ERAP2: variants seen among roughly 807,000 people sequenced by gnomAD.
ERAP2 encodes endoplasmic reticulum aminopeptidase 2, also known as leukocyte-derived arginine aminopeptidase.
A neutral mutation model predicts 111.1 loss-of-function variants in ERAP2; 118 were observed. The observed-to-expected ratio is 1.06, with a 90% CI of 0.92 to 1.24. The LOEUF is 1.24. ERAP2 is among the 50% of genes most tolerant of loss of function. The pLI is 0.00. For missense variants in ERAP2, 1,131 were observed against 1,125.8 expected (o/e 1.00, Z -0.07); for synonymous variants, 410 against 401.2 (o/e 1.02, Z -0.26).
intron 7 of ERAP2, 42 bp downstream of exon 7, chr5:96,895,401 A>G: frequency 7.7e-7 from 1 of 1,292,782 alleles, no homozygotes; most frequent in South Asian, 1.3e-5. Context: ...TGGTGTAAAG[A>G]ATCATCAATT....
At chr5:96,912,605 CT>C (rs35363714) in intron 15 of ERAP2, 31 bp from the exon 16 acceptor site, 1 of 1,563,030 alleles carries the variant, frequency 6.4e-7, no homozygotes, top group East Asian at 2.3e-5. Context: ...TTTCATAAAA[CT>C]TTTTCTTCAT....
chr5:96,917,352 C>A, intron 18 of ERAP2, 110 bp from the exon 19 acceptor site: 1 of 914,606 alleles, frequency 1.1e-6, no homozygotes, highest in Admixed American at 2.6e-5. Context: ...AACTCCTGAG[C>A]TCAATTGATC....
intron 13 of ERAP2, among the ~76,000 whole-genome samples, 194 bp from the exon 14 acceptor site, chr5:96,908,767 A>G: frequency 6.6e-6 from 1 of 152,226 alleles, no homozygotes; most frequent in East Asian, 1.9e-4. Context: ...AAAGAAGGCA[A>G]TAGGTCCAGA....
intron 6 of ERAP2, among the ~76,000 whole-genome samples, chr5:96,894,895 G>A (rs966968299): frequency 3.9e-5 from 6 of 152,048 alleles, no homozygotes; most frequent in Non-Finnish European, 8.8e-5. Flanking sequence ...AGGTGAGATT[G>A]TTCTTATTGG....
chr5:96,881,043 A>G (rs116486250), intron 2 of ERAP2: 2 of 173,982 alleles, frequency 1.1e-5, no homozygotes, highest in South Asian at 1.1e-4. Context: ...CAAGTGCTCT[A>G]AAGTGGGATT....
intron 2 of ERAP2, chr5:96,881,299 AT>A: frequency 2.5e-6 from 1 of 407,756 alleles, no homozygotes; most frequent in South Asian, 1.8e-5. Flanking sequence ...AGTGATGCTA[AT>A]TTGGGCCAGG....
chr5:96,909,182 A>C, intron 14 of ERAP2, 65 bp downstream of exon 14: 1 of 1,536,640 alleles, frequency 6.5e-7, no homozygotes, highest in Non-Finnish European at 8.9e-7. Context: ...AGTCAGGCTC[A>C]GTTTGTTTTG....
chr5:96,881,339 A>G, intron 2 of ERAP2: 2 of 447,078 alleles, frequency 4.5e-6, no homozygotes, highest in South Asian at 1.6e-5. Context: ...GAGTGAAACA[A>G]TTGAACTTGG....
chr5:96,877,625 A>T (rs1782682006), intron 1 of ERAP2, among the ~76,000 whole-genome samples: 1 of 152,376 alleles, frequency 6.6e-6, no homozygotes, highest in Admixed American at 6.5e-5. Context: ...GAAGCTCAAA[A>T]AGTAAAAAAC....
intron 10 of ERAP2, 116 bp downstream of exon 10, chr5:96,900,305 C>A (rs892479673): frequency 2.1e-6 from 3 of 1,418,876 alleles, no homozygotes; most frequent in Non-Finnish European, 2.8e-6. Flanking sequence ...AGAAAGAGAG[C>A]CCCCACGATT....
Position 96,917,793 on chromosome 5 carries a change from C to T in ERAP2, c.*188C>T. On this transcript the variant is annotated 3_prime_UTR_variant, in exon 19 of 19. Coordinates refer to ENST00000437043, the MANE Select transcript of ERAP2 (RefSeq NM_022350.5). ...TGGTGGCAGGTGCCTGTAGTCCCAG[C>T]TACTCGGCAGGCTGCAGCAGGAAAA... 3.0e-6 allele frequency: 1 copy of T among 334,102 alleles called. No homozygotes were observed. Among genetic ancestry groups the T allele is most frequent in the East Asian group, 6.5e-5 (1 of 15,438 alleles). 20.7% of individuals were successfully genotyped at this position (334,102 alleles called of 1,614,324 possible).
intron 9 of ERAP2, among the ~76,000 whole-genome samples, chr5:96,898,761 A>T: frequency 6.6e-6 from 1 of 151,890 alleles, no homozygotes; most frequent in Middle Eastern, 3.2e-3. Context: ...ACAAACAAAC[A>T]AACAAAAAAC....
Position 96,880,108 on chromosome 5 carries a change from T to C in ERAP2, c.423T>C (p.Ser141=). 6.2e-7 allele frequency: 1 copy of C among 1,614,164 alleles called. No individual in the cohort carries two copies. Among genetic ancestry groups the C allele is most frequent in the South Asian group, 1.1e-5 (1 of 91,088 alleles). The change falls in exon 2 of 19, where the codon AGT becomes AGC. Residue 141 remains serine, a synonymous_variant. Transcript: ENST00000437043. ...MKPGKELKVL[S]YPAHEQIALL... ...CAGGAAAAGAACTGAAAGTTTTGAG[T>C]TACCCTGCTCATGAACAAATTGCAC...
intron 2 of ERAP2, chr5:96,881,448 C>T (rs1279903738): frequency 4.4e-6 from 2 of 456,204 alleles, no homozygotes; most frequent in Non-Finnish European, 8.8e-6. Context: ...GAGTGGACGG[C>T]TTGGTTTCCC....
At chr5:96,916,928 G>A (rs1661959748) in intron 18 of ERAP2, among the ~76,000 whole-genome samples, 1 of 151,932 alleles carries the variant, frequency 6.6e-6, no homozygotes, top group Non-Finnish European at 1.5e-5. Context: ...GCCACATTGT[G>A]GTCACTTGTA....
chr5:96,887,511 G>T lies in ERAP2; in HGVS notation c.849+722G>T, dbSNP rs1783882271. On this transcript the variant is annotated intron_variant, in intron 4 of 18. Coordinates refer to ENST00000437043, the MANE Select transcript of ERAP2 (RefSeq NM_022350.5). ...GATGGGGTTTCACCATGTTGACCAG[G>T]CTGGTTTTGAACTCCTGACCTCAGG... is the stretch of plus-strand genomic sequence containing the variant. Among the ~76,000 whole-genome samples the T allele has an allele frequency of 2.0e-5, 3 of 152,082 alleles. No homozygotes were observed. In the South Asian group the frequency reaches 6.2e-4, roughly 31 times the overall value.
At position 96,915,774 on chromosome 5, in the gene ERAP2, G is replaced by A; in HGVS notation, c.2739+5G>A. ...TCCAAGGATAAGTTGCAAGAGGTTT[G>A]TGACTTTCTGTTTTTAACAATTTCA... is the stretch of plus-strand genomic sequence containing the variant. On this transcript the variant is annotated splice_donor_5th_base_variant and intron_variant, in intron 18 of 18. Transcript: ENST00000437043. The A allele has an allele frequency of 1.9e-6, 3 of 1,587,224 alleles. No individual in the cohort carries two copies. In the South Asian group the frequency reaches 3.5e-5, roughly 18 times the overall value.
chr5:96,917,885 G>T lies in ERAP2; in HGVS notation c.*280G>T, dbSNP rs2112457691. On this transcript the variant is annotated 3_prime_UTR_variant, in exon 19 of 19. Coordinates refer to ENST00000437043, the MANE Select transcript of ERAP2 (RefSeq NM_022350.5). ...TGCACCACTGCATTCCAGCCTGGGT[G>T]ACTGAGCGAGACTCTGTCTCAAAAA... 7.9e-6 allele frequency: 1 copy of T among 127,066 alleles called. No homozygotes were observed. Among genetic ancestry groups the T allele is most frequent in the Non-Finnish European group, 1.5e-5 (1 of 65,322 alleles). The allele number at this position is 127,066 out of a possible 1,614,324, so 7.9% of individuals were successfully genotyped here. A position where few individuals can be genotyped will look rare whatever the true frequency, so the allele number is the denominator to read the frequency against.
intron 12 of ERAP2, 42 bp downstream of exon 12, chr5:96,902,395 T>C: frequency 8.0e-7 from 1 of 1,248,404 alleles, no homozygotes; most frequent in South Asian, 1.2e-5. Context: ...AATGTGGAAA[T>C]TAAACATGTG....
Sources: gnomAD v4.1 joint callset for allele counts (sites outside exome capture counted in the v4.1 genomes callset) on GRCh38, gnomAD v4.1.1 for gene constraint, MANE v1.5 for transcripts, NCBI Gene and HGNC (gene_info 2026-07-23, HGNC 2026-07-21) for gene names.